CNTLN: variants seen among roughly 807,000 people sequenced by gnomAD.
CNTLN encodes the protein centlein, also known as centlein, centrosomal protein.
Under a neutral mutation model 180.0 loss-of-function variants are expected in CNTLN, and 212 were observed. The ratio of observed to expected loss-of-function variants is 1.18; its 90% CI spans 1.05 to 1.32. The LOEUF is 1.32. Ranked by LOEUF, CNTLN falls within the 40% of genes most tolerant of loss-of-function variation. The pLI is 0.00. For missense variants in CNTLN, 2,095 were observed against 1,610.9 expected, an observed-to-expected ratio of 1.30 and a Z score of -5.14; for synonymous variants, 722 against 563.1, an observed-to-expected ratio of 1.28 and a Z score of -3.99.
intron 15 of CNTLN, among the ~76,000 whole-genome samples, chr9:17,401,385 T>C (rs1282878190): frequency 6.6e-6 from 1 of 152,160 alleles, no homozygotes; most frequent in African/African-American, 2.4e-5. Flanking sequence ...GATTTTTTTT[T>C]TTTAATGACG....
chr9:17,453,398 G>A (rs1389592329), intron 18 of CNTLN, among the ~76,000 whole-genome samples: 1 of 152,144 alleles, frequency 6.6e-6, no homozygotes, highest in Non-Finnish European at 1.5e-5. Flanking sequence ...TTAATCCAGA[G>A]TGAGAATATT....
chr9:17,236,047 T>C (rs1280653810), intron 4 of CNTLN, among the ~76,000 whole-genome samples: 2 of 152,198 alleles, frequency 1.3e-5, no homozygotes, highest in African/African-American at 4.8e-5. Flanking sequence ...AATATGTGGC[T>C]TCTTGTAATT....
rs566539665 is a variant in CNTLN, at chr9:17,499,883, G to A, written c.4120-2668G>A. 3.2e-3 allele frequency among the ~76,000 whole-genome samples: 484 copies of A among 152,224 alleles called. 4 individuals carry two copies. The highest frequency in any genetic ancestry group is 0.011 in the African/African-American group (459 of 41,552). ...CCATAAGGTATAAACAGCAAGTAGA[G>A]TGAGCACTGGGTTTAGAGGAAAATA... On this transcript the variant is annotated intron_variant, in intron 25 of 25. Transcript: ENST00000380647.
chr9:17,403,256 A>G (rs1414346056), intron 15 of CNTLN, among the ~76,000 whole-genome samples: 1 of 151,720 alleles, frequency 6.6e-6, no homozygotes, highest in Non-Finnish European at 1.5e-5. Context: ...GGCTTGCTTA[A>G]TGGGTTCATG....
intron 23 of CNTLN, among the ~76,000 whole-genome samples, chr9:17,482,926 A>T (rs1206049427): frequency 6.6e-6 from 1 of 152,122 alleles, no homozygotes; most frequent in Admixed American, 6.5e-5. Flanking sequence ...AAAAGTAGCA[A>T]AAAAATTGTG....
chr9:17,227,308 A>G (rs1824534954), intron 3 of CNTLN, among the ~76,000 whole-genome samples: 1 of 151,992 alleles, frequency 6.6e-6, no homozygotes. Context: ...TTATACAATT[A>G]CATATAATTA....
At chr9:17,239,368 C>G (rs954382605) in intron 5 of CNTLN, among the ~76,000 whole-genome samples, 2 of 152,124 alleles carry the variant, frequency 1.3e-5, no homozygotes, top group African/African-American at 2.4e-5. Flanking sequence ...CATACTGGAT[C>G]CACGTTCTTT....
chr9:17,419,491 C>T (rs1828533886), intron 18 of CNTLN, among the ~76,000 whole-genome samples: 1 of 152,108 alleles, frequency 6.6e-6, no homozygotes, highest in Admixed American at 6.5e-5. Flanking sequence ...ATGTTATACA[C>T]ATGCAATGTT....
intron 19 of CNTLN, among the ~76,000 whole-genome samples, chr9:17,462,042 A>G (rs1445566673): frequency 6.6e-6 from 1 of 151,832 alleles, no homozygotes; most frequent in African/African-American, 2.4e-5. Context: ...AATAACTTCA[A>G]GTAAAGAAGG....
intron 18 of CNTLN, among the ~76,000 whole-genome samples, chr9:17,454,458 G>T (rs1830991369): frequency 6.6e-6 from 1 of 152,286 alleles, no homozygotes. Context: ...GTGTAGGAGG[G>T]ATCCTAGATT....
rs184243513 is a variant in CNTLN at position 17,261,301 on chromosome 9, A to T, written c.850-12432A>T. Among the ~76,000 whole-genome samples, 9 of 151,666 alleles carry T rather than the reference A, an allele frequency of 5.9e-5. No homozygotes were observed. The East Asian group carries it at 1.5e-3, about 26-fold the overall frequency. ...TTAATGATATTGATTCTTCCAATCCATGAGCATGGCATATTTTTCAATTGG... is the reference window on the plus strand; with the variant it reads ...TTAATGATATTGATTCTTCCAATCCTTGAGCATGGCATATTTTTCAATTGG... On this transcript the variant is annotated intron_variant, in intron 5 of 25. Transcript: ENST00000380647.
intron 2 of CNTLN, among the ~76,000 whole-genome samples, chr9:17,204,134 A>G (rs1822749586): frequency 6.6e-6 from 1 of 152,100 alleles, no homozygotes. Flanking sequence ...GGAGTTTGCT[A>G]TTACCCACCT....
chr9:17,176,586 A>G (rs549545594), intron 2 of CNTLN, among the ~76,000 whole-genome samples: 22 of 152,318 alleles, frequency 1.4e-4, no homozygotes, highest in Admixed American at 8.5e-4. Flanking sequence ...TATCAGAGAT[A>G]AGTAGCTTCA....
chr9:17,322,646 A>G (rs901361522), intron 8 of CNTLN, among the ~76,000 whole-genome samples: 1 of 152,138 alleles, frequency 6.6e-6, no homozygotes, highest in Non-Finnish European at 1.5e-5. Context: ...TCAAAATTAC[A>G]TTACCCTTAC....
intron 11 of CNTLN, among the ~76,000 whole-genome samples, chr9:17,341,192 A>AT (rs1312189770): frequency 1.3e-5 from 2 of 152,202 alleles, no homozygotes; most frequent in African/African-American, 4.8e-5. Context: ...TATTGTACAC[A>AT]TTTTTAATAT....
intron 2 of CNTLN, among the ~76,000 whole-genome samples, chr9:17,187,889 T>G (rs1228690432): frequency 6.6e-6 from 1 of 151,394 alleles, no homozygotes; most frequent in Non-Finnish European, 1.5e-5. Flanking sequence ...TGGCATCCTC[T>G]CCAGCTTTGT....
At chr9:17,234,806 G>A (rs969935787) in intron 3 of CNTLN, among the ~76,000 whole-genome samples, 1 of 152,196 alleles carries the variant, frequency 6.6e-6, no homozygotes, top group African/African-American at 2.4e-5. Context: ...ATAAATATTA[G>A]TTGAAAGAAT....
intron 2 of CNTLN, among the ~76,000 whole-genome samples, chr9:17,171,793 C>T (rs1269860765): frequency 6.6e-6 from 1 of 151,994 alleles, no homozygotes; most frequent in Non-Finnish European, 1.5e-5. Context: ...AGCTAGGGAG[C>T]CAGGGTCCAA....
At chr9:17,444,310 G>T (rs768771885) in intron 18 of CNTLN, 4 of 151,306 alleles carry the variant, frequency 2.6e-5, no homozygotes, top group Non-Finnish European at 5.9e-5. Context: ...TAAATTTGGG[G>T]AGCCACAGGA....
Sources: gnomAD v4.1 joint callset for allele counts (sites outside exome capture counted in the v4.1 genomes callset) on GRCh38, gnomAD v4.1.1 for gene constraint, MANE v1.5 for transcripts, NCBI Gene and HGNC (gene_info 2026-07-23, HGNC 2026-07-21) for gene names.